Variants in LMOD3 observed in about 807,000 individuals in gnomAD.
LMOD3 encodes the protein leiomodin-3.
A neutral mutation model predicts 41.8 loss-of-function variants in LMOD3; 31 were observed. That is an observed-to-expected ratio of 0.74 (90% CI 0.56 to 1.00). The LOEUF (loss-of-function observed/expected upper bound fraction) is 1.00, where lower values mean the gene tolerates loss of function less well. Ranked by LOEUF, LMOD3 falls within the 50% of genes least tolerant of loss-of-function variation. The probability of loss-of-function intolerance (pLI) is 0.00; values close to 1 mark genes in which losing one functional copy is unlikely to be tolerated. For missense variants in LMOD3, 755 were observed against 679.5 expected, an observed-to-expected ratio of 1.11 and a Z score of -1.23; for synonymous variants, 292 against 241.9, an observed-to-expected ratio of 1.21 and a Z score of -1.92.
chr3:69,112,581 A>G (rs775142928), intron 2 of LMOD3, among the ~76,000 whole-genome samples: 8 of 152,220 alleles, frequency 5.3e-5, no homozygotes, highest in Non-Finnish European at 1.0e-4. Context: ...TGGAAATTGG[A>G]TAGATTCTAA....
Position 69,122,162 on chromosome 3 carries a change from C to T in LMOD3, c.225G>A (p.Met75Ile). ...NFNHKSLVDY[M>I]YWEKASRRML... ...TGCGCCTGGATGCCTTTTCCCAATA[C>T]ATATAATCAACAAGAGATTTATGAT... Residue 75 changes from methionine to isoleucine, a missense_variant, in exon 1 of 3, where the codon ATG becomes ATA. Met to Ile is a conservative substitution (Grantham distance 10). Coordinates refer to ENST00000420581, the MANE Select transcript of LMOD3 (RefSeq NM_198271.5). 5 of 1,612,932 alleles carry T rather than the reference C, an allele frequency of 3.1e-6. No individual in the cohort carries two copies. Among genetic ancestry groups the T allele is most frequent in the Non-Finnish European group, 4.2e-6 (5 of 1,179,468 alleles).
At chr3:69,113,816 TAGGAGTGAGCAGACCACA>T (rs1014939225) in intron 2 of LMOD3, among the ~76,000 whole-genome samples, 1 of 152,182 alleles carries the variant, frequency 6.6e-6, no homozygotes, top group Admixed American at 6.5e-5. Flanking sequence ...TTTGAGATGG[TAGGAGTGAGCAGACCACA>T]AGATTTTTGA....
intron 1 of LMOD3, among the ~76,000 whole-genome samples, chr3:69,121,622 T>C (rs2107527800): frequency 6.6e-6 from 1 of 152,242 alleles, no homozygotes; most frequent in East Asian, 1.9e-4. Flanking sequence ...CTTGGTTTAA[T>C]TGCAGGTTGT....
rs1312102536 is a variant in LMOD3 at position 69,107,175 on chromosome 3, T to C, written c.*1920A>G. ...TATGCAAGGATGTTTTCTAGAAATA[T>C]TGAAGGGTGAGAAAACAAAACTATC... On this transcript the variant is annotated 3_prime_UTR_variant, in exon 3 of 3. Coordinates refer to ENST00000420581, the MANE Select transcript of LMOD3 (RefSeq NM_198271.5). 2 of 152,084 alleles carry C rather than the reference T, an allele frequency of 1.3e-5. No individual in the cohort carries two copies. The highest frequency in any genetic ancestry group is 2.4e-5 in the African/African-American group (1 of 41,402). 9.4% of individuals were successfully genotyped at this position (152,084 alleles called of 1,614,324 possible).
Position 69,118,930 on chromosome 3 carries a change from G to A in LMOD3, c.1425C>T (p.Ala475=), listed in dbSNP as rs757277782. Residue 475 remains alanine (A), a synonymous_variant, in exon 2 of 3, where the codon GCC becomes GCT. Transcript: ENST00000420581. ...AGTCAGGGTCTGTCCTGTACTTCGGGGCCTGCGATGGCTTTTTCATCATTT... is the reference window on the plus strand; with the variant it reads ...AGTCAGGGTCTGTCCTGTACTTCGGAGCCTGCGATGGCTTTTTCATCATTT... ...RSEMMKKPSQ[A]PKYRTDPDSF... The A allele has an allele frequency of 6.2e-7, 1 of 1,612,232 alleles. No homozygotes were observed. The highest frequency in any genetic ancestry group is 1.7e-5 in the Admixed American group (1 of 59,722).
intron 2 of LMOD3, among the ~76,000 whole-genome samples, chr3:69,112,274 C>T (rs1291783082): frequency 6.6e-6 from 1 of 152,128 alleles, no homozygotes; most frequent in Admixed American, 6.5e-5. Context: ...GGAGGCAGAG[C>T]GGGTGGGAAA....
chr3:69,119,926 T>A lies in LMOD3; in HGVS notation c.429A>T (p.Thr143=). ...CTTCTTCTTCTTCATCTTCTTCATCTGTTTCTTGGATATTGCTGCTGCCCT... is the reference window on the plus strand; with the variant it reads ...CTTCTTCTTCTTCATCTTCTTCATCAGTTTCTTGGATATTGCTGCTGCCCT... The part of the protein sequence containing the change: ...ESKGSSNIQE[T]DEEDEEEEDD... Residue 143 remains threonine (T), a synonymous_variant, in exon 2 of 3, where the codon ACA becomes ACT. Transcript: ENST00000420581. The A allele has an allele frequency of 6.4e-7, 1 of 1,557,156 alleles. No homozygotes were observed. Among genetic ancestry groups the A allele is most frequent in the Non-Finnish European group, 8.7e-7 (1 of 1,148,014 alleles).
chr3:69,117,311 A>T (rs1209461439), intron 2 of LMOD3, among the ~76,000 whole-genome samples: 1 of 152,240 alleles, frequency 6.6e-6, no homozygotes, highest in African/African-American at 2.4e-5. Context: ...GACGATACAT[A>T]TGTGAAAGAC....
chr3:69,109,604 T>A (rs1202991328), intron 2 of LMOD3, among the ~76,000 whole-genome samples: 1 of 144,466 alleles, frequency 6.9e-6, no homozygotes, highest in East Asian at 2.2e-4. Context: ...CTTGGCTCAC[T>A]GCAACCTCCA....
chr3:69,111,935 A>T (rs2092352051), intron 2 of LMOD3, among the ~76,000 whole-genome samples: 1 of 152,256 alleles, frequency 6.6e-6, no homozygotes, highest in East Asian at 1.9e-4. Flanking sequence ...TGACTTTAAA[A>T]ATTAACCCTT....
rs1013466540 is a variant in LMOD3 at position 69,106,231 on chromosome 3, T to A, written c.*2864A>T. Among the ~76,000 whole-genome samples, 6 of 152,276 alleles carry A rather than the reference T, an allele frequency of 3.9e-5. No individual in the cohort carries two copies. Among genetic ancestry groups the A allele is most frequent in the African/African-American group, 1.4e-4 (6 of 41,552 alleles). Reference sequence around the variant, plus strand: ...CCAGAATAAAACAATTCCAGTGGGATCCTATTTTTAAACCTGGCACGAGTT... The same window carrying A: ...CCAGAATAAAACAATTCCAGTGGGAACCTATTTTTAAACCTGGCACGAGTT... On this transcript the variant is annotated 3_prime_UTR_variant, in exon 3 of 3. Coordinates refer to ENST00000420581, the MANE Select transcript of LMOD3 (RefSeq NM_198271.5).
At position 69,108,300 on chromosome 3, in the gene LMOD3, A is replaced by T. The variant is rs919521598; in HGVS notation, c.*795T>A. 6.6e-6 allele frequency: 1 copy of T among 152,100 alleles called. No individual in the cohort carries two copies. Among genetic ancestry groups the T allele is most frequent in the African/African-American group, 2.4e-5 (1 of 41,412 alleles). 9.4% of individuals were successfully genotyped at this position (152,100 alleles called of 1,614,324 possible). A position where few individuals can be genotyped will look rare whatever the true frequency, so the allele number is the denominator to read the frequency against. ...GCTTGTCAATAACTATATTATGTAA[A>T]ACTTCTTTTCTATAAAAACAGCATG... On this transcript the variant is annotated 3_prime_UTR_variant, in exon 3 of 3. Coordinates refer to ENST00000420581, the MANE Select transcript of LMOD3 (RefSeq NM_198271.5).
chr3:69,114,251 A>G (rs1031480569), intron 2 of LMOD3, among the ~76,000 whole-genome samples: 1 of 152,146 alleles, frequency 6.6e-6, no homozygotes, highest in Non-Finnish European at 1.5e-5. Flanking sequence ...GTGACATTCA[A>G]AAACTTACAC....
chr3:69,115,970 T>C (rs1440272969), intron 2 of LMOD3, among the ~76,000 whole-genome samples: 2 of 152,206 alleles, frequency 1.3e-5, no homozygotes, highest in African/African-American at 4.8e-5. Context: ...CACAGATGTA[T>C]TGCCTCTTAA....
At chr3:69,110,853 A>AAAAAAAAAAAATATAT (rs1458630453) in intron 2 of LMOD3, among the ~76,000 whole-genome samples, 1 of 104,168 alleles carries the variant, frequency 9.6e-6, no homozygotes, top group African/African-American at 4.8e-5. Flanking sequence ...AAAAAAAAAA[A>AAAAAAAAAAAATATAT]ATATATATAT....
Position 69,120,129 on chromosome 3 carries a change from T to C in LMOD3, c.295-69A>G, listed in dbSNP as rs529768063. On this transcript the variant is annotated intron_variant, in intron 1 of 2. Transcript: ENST00000420581. ...AAATATGAAGTGGAGCATCAGCTAGTGGAGATAATAAAAATGCTTATTTAA... is the reference window on the plus strand; with the variant it reads ...AAATATGAAGTGGAGCATCAGCTAGCGGAGATAATAAAAATGCTTATTTAA... The C allele has an allele frequency of 2.2e-5, 32 of 1,457,774 alleles. No individual in the cohort carries two copies. The African/African-American group carries it at 4.0e-4, about 18-fold the overall frequency. The allele number at this position is 1,457,774 out of a possible 1,614,324, so 90.3% of individuals were successfully genotyped here.
chr3:69,119,348 A>G lies in LMOD3; in HGVS notation c.1007T>C (p.Phe336Ser). The stretch of plus-strand genomic sequence containing the variant: ...CCGAAGCTCAGTTAGCGTCTCATTA[A>G]ACTGGAGACACCTCATGATGGCCAC... ...GIVAIMRCLQ[F>S]NETLTELRFH... Residue 336 changes from phenylalanine (F) to serine (S), a missense_variant, in exon 2 of 3, where the codon TTT becomes TCT. Transcript: ENST00000420581. 1 of 1,613,938 alleles carries G rather than the reference A, an allele frequency of 6.2e-7. No individual in the cohort carries two copies. Among genetic ancestry groups the G allele is most frequent in the Non-Finnish European group, 8.5e-7 (1 of 1,179,862 alleles).
At chr3:69,110,562 G>T (rs888793808) in intron 2 of LMOD3, among the ~76,000 whole-genome samples, 1 of 150,502 alleles carries the variant, frequency 6.6e-6, no homozygotes, top group African/African-American at 2.4e-5. Context: ...TTATAACAAG[G>T]CTGGGCGCGG....
chr3:69,120,819 A>G (rs2092403960), intron 1 of LMOD3, among the ~76,000 whole-genome samples: 1 of 152,124 alleles, frequency 6.6e-6, no homozygotes, highest in Admixed American at 6.5e-5. Context: ...ATTGAGAAAT[A>G]ATTGCTTAGT....
Sources: gnomAD v4.1 joint callset for allele counts (sites outside exome capture counted in the v4.1 genomes callset) on GRCh38, gnomAD v4.1.1 for gene constraint, MANE v1.5 for transcripts, NCBI Gene and HGNC (gene_info 2026-07-23, HGNC 2026-07-21) for gene names.